Variants in REXO5 observed in about 807,000 individuals in gnomAD.
REXO5 encodes the protein RNA exonuclease 5.
REXO5 carries 48 observed loss-of-function variants against 88.5 expected under a neutral mutation model. The ratio of observed to expected loss-of-function variants is 0.54; its 90% CI spans 0.43 to 0.69. The LOEUF (loss-of-function observed/expected upper bound fraction) is 0.69. REXO5 is among the 30% of genes least tolerant of loss of function. The pLI is 0.00. For synonymous variants in REXO5, 311 were observed against 336.5 expected (o/e 0.92, Z 0.83); for missense variants, 749 against 912.2 (o/e 0.82, Z 2.30).
At chr16:20,832,350 G>A in intron 12 of REXO5, 91 bp downstream of exon 12, 1 of 816,862 alleles carries the variant, frequency 1.2e-6, no homozygotes, top group Non-Finnish European at 1.9e-6. Flanking sequence ...ATCCTCTTTT[G>A]AGTCTATTAA....
At chr16:20,814,324 C>T (rs925939428) in intron 3 of REXO5, among the ~76,000 whole-genome samples, 4 of 152,150 alleles carry the variant, frequency 2.6e-5, no homozygotes, top group African/African-American at 9.7e-5. Flanking sequence ...GCAACCTCCA[C>T]CTCCCAGGTT....
At chr16:20,818,518 G>A (rs2081115975) in intron 5 of REXO5, among the ~76,000 whole-genome samples, 1 of 152,182 alleles carries the variant, frequency 6.6e-6, no homozygotes, top group Admixed American at 6.5e-5. Flanking sequence ...GCTGAGGCTG[G>A]AGTGCAGTGG....
Position 20,832,198 on chromosome 16 carries a change from A to G in REXO5, c.1201A>G (p.Ile401Val), listed in dbSNP as rs769541820. Residue 401 changes from isoleucine to valine, a missense_variant, in exon 12 of 20, where the codon ATA (isoleucine) becomes GTA (valine). Ile to Val is a conservative substitution (Grantham distance 29). Transcript: ENST00000261377. The stretch of plus-strand genomic sequence containing the variant: ...AGAAGCACTAGCTAATCACCAAGAA[A>G]TACAAGCAGCAGGCCAAGAGCCTAA... ...NLEALANHQE[I>V]QAAGQEPKNT... The G allele has an allele frequency of 1.2e-6, 2 of 1,611,850 alleles. No individual in the cohort carries two copies. Among genetic ancestry groups the G allele is most frequent in the East Asian group, 4.5e-5 (2 of 44,676 alleles).
chr16:20,815,911 T>C (rs1443526533), intron 4 of REXO5, among the ~76,000 whole-genome samples: 1 of 152,246 alleles, frequency 6.6e-6, no homozygotes, highest in Non-Finnish European at 1.5e-5. Context: ...TATTTTACAA[T>C]ATATAATCAT....
At chr16:20,813,123 T>G in intron 2 of REXO5, 67 bp from the exon 3 acceptor site, 1 of 1,044,636 alleles carries the variant, frequency 9.6e-7, no homozygotes, top group Non-Finnish European at 1.5e-6. Flanking sequence ...CTAGAATAAT[T>G]TAACTTGCTT....
Position 20,821,856 on chromosome 16 carries a change from C to A in REXO5, c.570C>A (p.Cys190Ter), listed in dbSNP as rs2081190811. The change falls in exon 6 of 20, where the codon TGC (cysteine) becomes TGA (stop). Residue 190 changes from cysteine (C) to a stop codon, truncating the protein, a stop_gained. Coordinates refer to ENST00000261377, the MANE Select transcript of REXO5 (RefSeq NM_030941.3). LOFTEE classifies it high-confidence loss of function. ...YGSKKVGLTRCLLTKEEMRTF... is the reference protein window; with the variant it reads ...YGSKKVGLTR Reference sequence around the variant, plus strand: ...CTAAGAAAGTGGGCTTGACCAGATGCCTTCTGACAAAGGAGGAAATGAGAA... The same window carrying A: ...CTAAGAAAGTGGGCTTGACCAGATGACTTCTGACAAAGGAGGAAATGAGAA... The A allele has an allele frequency of 6.2e-7, 1 of 1,604,630 alleles. No individual in the cohort carries two copies. Among genetic ancestry groups the A allele is most frequent in the South Asian group, 1.1e-5 (1 of 89,410 alleles).
chr16:20,832,405 G>T, intron 12 of REXO5, 146 bp downstream of exon 12: 1 of 482,712 alleles, frequency 2.1e-6, no homozygotes, highest in Non-Finnish European at 3.7e-6. Flanking sequence ...AAAAACCACG[G>T]AAAAAATACC....
intron 2 of REXO5, among the ~76,000 whole-genome samples, chr16:20,811,673 A>ATAG (rs1596565214): frequency 6.6e-6 from 1 of 152,348 alleles, no homozygotes; most frequent in East Asian, 1.9e-4. Flanking sequence ...AATGGGGATG[A>ATAG]TAGTAGTACA....
intron 6 of REXO5, among the ~76,000 whole-genome samples, chr16:20,822,286 A>T (rs1327519798): frequency 6.6e-6 from 1 of 152,124 alleles, no homozygotes; most frequent in African/African-American, 2.4e-5. Flanking sequence ...CTGCCCCCAT[A>T]TTTCTTTAAC....
chr16:20,807,746 A>AC (rs2080919220), intron 2 of REXO5, among the ~76,000 whole-genome samples: 4 of 150,656 alleles, frequency 2.7e-5, no homozygotes, highest in East Asian at 3.9e-4. Context: ...CTTAAAAAAA[A>AC]AAAACAAAAA....
At chr16:20,812,221 G>T (rs547050947) in intron 2 of REXO5, among the ~76,000 whole-genome samples, 25 of 152,012 alleles carry the variant, frequency 1.6e-4, no homozygotes, top group Non-Finnish European at 2.8e-4. Context: ...ACAAATATAG[G>T]CTGGGCGTGG....
intron 14 of REXO5, chr16:20,840,079 T>A: frequency 1.8e-6 from 1 of 541,116 alleles, no homozygotes; most frequent in Non-Finnish European, 3.2e-6. Context: ...TCATACATCT[T>A]TCTGTATCAC....
chr16:20,833,475 CAG>C lies in REXO5; in HGVS notation c.1383+357_1383+358del, dbSNP rs372738832. On this transcript the variant is annotated intron_variant, in intron 13 of 19. Coordinates refer to ENST00000261377, the MANE Select transcript of REXO5 (RefSeq NM_030941.3). ...TATGTATCATTGCTGTATGTTAAGT[CAG>C]AGAGGCTACATCAAACATGAGCTTA... 9.1e-4 allele frequency among the ~76,000 whole-genome samples: 138 copies of C among 152,164 alleles called. 4 individuals are homozygous for C. In the South Asian group the frequency reaches 0.028, roughly 31 times the overall value.
chr16:20,806,748 C>T (rs563423511), intron 1 of REXO5, 43 bp downstream of exon 1: 3 of 1,009,366 alleles, frequency 3.0e-6, no homozygotes, highest in East Asian at 5.3e-5. Context: ...TAGAGCGGCG[C>T]GGGTGTCCAG....
At position 20,846,356 on chromosome 16, in the gene REXO5, G is replaced by A; in HGVS notation, c.2243+17G>A. ...AACCAAGAGGTAAGGACTAGAAAGG[G>A]TATCCCTTCAGGACTCTGTCCCCTG... On this transcript the variant is annotated intron_variant, in intron 19 of 19. Transcript: ENST00000261377. 6.3e-7 allele frequency: 1 copy of A among 1,589,396 alleles called. No individual in the cohort carries two copies.
intron 13 of REXO5, among the ~76,000 whole-genome samples, chr16:20,838,832 C>T (rs558086873): frequency 6.6e-6 from 1 of 152,126 alleles, no homozygotes; most frequent in South Asian, 2.1e-4. Context: ...CTTTTTTTTC[C>T]ATCCCAAGAG....
chr16:20,830,846 A>G (rs2152507048), intron 11 of REXO5, among the ~76,000 whole-genome samples: 1 of 152,248 alleles, frequency 6.6e-6, no homozygotes, highest in South Asian at 2.1e-4. Flanking sequence ...ACACTTTTAT[A>G]GTGTGCACCT....
chr16:20,806,845 G>A, intron 1 of REXO5, 107 bp from the exon 2 acceptor site: 6 of 1,434,462 alleles, frequency 4.2e-6, no homozygotes, highest in Non-Finnish European at 5.6e-6. Context: ...GCGGATCCGA[G>A]GGAGGTTGAA....
intron 18 of REXO5, 84 bp from the exon 19 acceptor site, chr16:20,846,137 G>A (rs536247014): frequency 1.9e-6 from 2 of 1,053,618 alleles, no homozygotes; most frequent in East Asian, 2.4e-5. Flanking sequence ...CATAGCCTTA[G>A]AGGCAGAGGA....
Sources: allele counts gnomAD v4.1 joint callset (sites outside exome capture counted in the v4.1 genomes callset), GRCh38; gene constraint gnomAD v4.1.1; transcripts MANE v1.5; gene names NCBI Gene and HGNC (gene_info 2026-07-23, HGNC 2026-07-21).